Variants in ANO2 observed in about 807,000 individuals in gnomAD.
ANO2 encodes anoctamin 2, also known as anoctamin-2.
A neutral mutation model predicts 124.2 loss-of-function variants in ANO2; 101 were observed. The observed-to-expected ratio is 0.81, with a 90% CI of 0.69 to 0.96. The LOEUF (loss-of-function observed/expected upper bound fraction) is 0.96, where lower values mean the gene tolerates loss of function less well. Among genes scored for constraint, ANO2 ranks in the 40% least tolerant of loss-of-function variants. The pLI is 0.00. For synonymous variants in ANO2, 486 were observed against 482.5 expected (o/e 1.01, Z -0.09); for missense variants, 1,293 against 1,274.5 (o/e 1.01, Z -0.22).
rs1942048954 is a variant in ANO2, at chr12:5,925,671, C to T, written c.23-2867G>A. ...TAGAAGGAAAGGCCATCGTACACAG[C>T]CCGTGGAACATGTCACCCATTTGGA... On this transcript the variant is annotated intron_variant, in intron 1 of 24. Transcript: ENST00000682330. The surrounding 1 kb of genome is among the most constrained non-coding windows in gnomAD (Gnocchi z 4.6). Among the ~76,000 whole-genome samples, 1 of 152,220 alleles carries T rather than the reference C, an allele frequency of 6.6e-6. No individual in the cohort carries two copies. Among genetic ancestry groups the T allele is most frequent in the African/African-American group, 2.4e-5 (1 of 41,452 alleles).
At position 5,635,599 on chromosome 12, in the gene ANO2, T is replaced by TCTCACACACACACA. The variant is rs71445659; in HGVS notation, c.1621-253_1621-252insTGTGTGTGTGTGAG. Among the ~76,000 whole-genome samples the TCTCACACACACACA allele has an allele frequency of 1.4e-5, 2 of 146,794 alleles. No individual in the cohort carries two copies. The highest frequency in any genetic ancestry group is 5.1e-5 in the African/African-American group (2 of 39,450). On this transcript the variant is annotated intron_variant, in intron 15 of 24. Transcript: ENST00000682330. This position sits in a 1 kb window ranked among gnomAD's most constrained non-coding sequence, Gnocchi z 5.2. ...TTTTTGTCAGATTCCAAATGATTTATCACACACACACACACACACACACAC... is the reference window on the plus strand; with the variant it reads ...TTTTTGTCAGATTCCAAATGATTTATCTCACACACACACACACACACACACACACACACACACAC...
chr12:5,671,430 T>G (rs2080105), intron 14 of ANO2, among the ~76,000 whole-genome samples: 4 of 151,344 alleles, frequency 2.6e-5, no homozygotes, highest in Non-Finnish European at 5.9e-5. Context: ...TCCAAAGGAA[T>G]TGCTCTACAG....
At chr12:5,762,030 TTAAA>T (rs1326116964) in intron 10 of ANO2, among the ~76,000 whole-genome samples, 1 of 152,124 alleles carries the variant, frequency 6.6e-6, no homozygotes, top group Admixed American at 6.5e-5. Context: ...AACAAGTAAA[TTAAA>T]TAGATGTAAG....
chr12:5,712,810 T>C (rs946762353), intron 14 of ANO2, among the ~76,000 whole-genome samples: 1 of 152,080 alleles, frequency 6.6e-6, no homozygotes, highest in African/African-American at 2.4e-5. Context: ...GGCTTTTGCA[T>C]GTGCACAGCC....
intron 14 of ANO2, among the ~76,000 whole-genome samples, chr12:5,677,153 G>A (rs568973614): frequency 6.6e-6 from 1 of 152,092 alleles, no homozygotes; most frequent in Non-Finnish European, 1.5e-5. Context: ...GCAGAAAAAG[G>A]AAGAGGCTCC....
chr12:5,819,035 C>T (rs1055764606), intron 7 of ANO2, among the ~76,000 whole-genome samples: 2 of 152,210 alleles, frequency 1.3e-5, no homozygotes, highest in African/African-American at 4.8e-5. Context: ...AAGCTCTTAT[C>T]ATGCGAGTGG....
At chr12:5,747,511 C>A (rs1398473999) in intron 11 of ANO2, among the ~76,000 whole-genome samples, 1 of 152,052 alleles carries the variant, frequency 6.6e-6, no homozygotes, top group African/African-American at 2.4e-5. Flanking sequence ...TTACTTTTTT[C>A]TAGTATTTAC....
At chr12:5,796,383 AACAC>A (rs1161526335) in intron 10 of ANO2, among the ~76,000 whole-genome samples, 1 of 147,382 alleles carries the variant, frequency 6.8e-6, no homozygotes. Context: ...CACTCTCCCA[AACAC>A]ACATATTCTC....
intron 3 of ANO2, among the ~76,000 whole-genome samples, chr12:5,916,719 T>G (rs1217631559): frequency 1.8e-5 from 2 of 109,836 alleles, no homozygotes; most frequent in South Asian, 3.0e-4. Flanking sequence ...GTCTTTTTTT[T>G]AATTTAAAAA....
At chr12:5,716,258 G>A (rs913351209) in intron 14 of ANO2, among the ~76,000 whole-genome samples, 18 of 152,192 alleles carry the variant, frequency 1.2e-4, no homozygotes, top group Non-Finnish European at 2.4e-4. Flanking sequence ...AGGAGGATGT[G>A]CTGAGCCAAA....
intron 20 of ANO2, among the ~76,000 whole-genome samples, chr12:5,581,920 G>A (rs1458252850): frequency 6.6e-6 from 1 of 152,230 alleles, no homozygotes; most frequent in Non-Finnish European, 1.5e-5. Flanking sequence ...CAAAGAGGCA[G>A]AAACAAATAG....
At chr12:5,812,317 AAGGGAGGG>A (rs1226973840) in intron 7 of ANO2, among the ~76,000 whole-genome samples, 13 of 109,898 alleles carry the variant, frequency 1.2e-4, no homozygotes, top group Non-Finnish European at 1.9e-4. Context: ...GGAAGGAAGG[AAGGGAGGG>A]AGGGAGGGAA....
At chr12:5,603,329 A>G (rs1374900022) in intron 19 of ANO2, among the ~76,000 whole-genome samples, 4 of 152,238 alleles carry the variant, frequency 2.6e-5, no homozygotes, top group Non-Finnish European at 5.9e-5. Context: ...AAGAGTGACC[A>G]ATATAAGAGT....
intron 12 of ANO2, among the ~76,000 whole-genome samples, chr12:5,740,684 A>G (rs555412375): frequency 5.3e-5 from 8 of 152,282 alleles, no homozygotes; most frequent in Admixed American, 2.6e-4. Context: ...TTGAAGGACA[A>G]TGGCATTTGG....
chr12:5,812,498 A>AGGAAGAG (rs1565688066), intron 7 of ANO2, among the ~76,000 whole-genome samples: 1 of 96,980 alleles, frequency 1.0e-5, no homozygotes, highest in Non-Finnish European at 1.9e-5. Flanking sequence ...GGAAGGAAGA[A>AGGAAGAG]AGGGAGGGAG....
chr12:5,718,977 G>A (rs1448093157), intron 14 of ANO2, among the ~76,000 whole-genome samples: 1 of 152,162 alleles, frequency 6.6e-6, no homozygotes, highest in African/African-American at 2.4e-5. Context: ...CTGTCTCTGG[G>A]TTGCTTGCCC....
Position 5,920,487 on chromosome 12 carries a change from A to G in ANO2, c.534+553T>C, listed in dbSNP as rs181829525. Among the ~76,000 whole-genome samples, 404 of 152,174 alleles carry G rather than the reference A, an allele frequency of 2.7e-3. 2 individuals carry two copies. The highest frequency in any genetic ancestry group is 0.019 in the South Asian group (91 of 4,816). On this transcript the variant is annotated intron_variant, in intron 3 of 24. Coordinates refer to ENST00000682330, the MANE Select transcript of ANO2 (RefSeq NM_001364791.2). ...CTCCCAAAGAACAGATTGGCACACC[A>G]CCACCCCACCACTACTACCTGGAAT...
At chr12:5,592,145 T>A (rs1943425354) in intron 20 of ANO2, among the ~76,000 whole-genome samples, 2 of 152,156 alleles carry the variant, frequency 1.3e-5, no homozygotes, top group Non-Finnish European at 2.9e-5. Context: ...GGTCATGGGA[T>A]CAAGAGAAGC....
chr12:5,781,976 T>C (rs1952412940), intron 10 of ANO2, among the ~76,000 whole-genome samples: 1 of 152,252 alleles, frequency 6.6e-6, no homozygotes, highest in East Asian at 1.9e-4. Context: ...AGTTCATTCA[T>C]AATATTGTTC....
Sources: allele counts gnomAD v4.1 joint callset (sites outside exome capture counted in the v4.1 genomes callset), GRCh38; gene constraint gnomAD v4.1.1; non-coding constraint Gnocchi (gnomAD v3.1); transcripts MANE v1.5; gene names NCBI Gene and HGNC (gene_info 2026-07-23, HGNC 2026-07-21).